The following NDUFA10 variants were observed in gnomAD, a reference collection of about 807,000 sequenced individuals.
The protein encoded by NDUFA10 is NADH dehydrogenase [ubiquinone] 1 alpha subcomplex subunit 10, mitochondrial.
A neutral mutation model predicts 47.8 loss-of-function variants in NDUFA10; 40 were observed. The observed-to-expected ratio is 0.84, with a 90% confidence interval of 0.65 to 1.09. NDUFA10 has a LOEUF of 1.09. Among genes scored for constraint, NDUFA10 ranks in the 50% least tolerant of loss-of-function variants. The pLI is 0.00. For synonymous variants in NDUFA10, 183 were observed against 172.2 expected (o/e 1.06, Z -0.49); for missense variants, 413 against 451.1 (o/e 0.92, Z 0.76).
rs78003400 is a variant in NDUFA10 at position 239,997,062 on chromosome 2, G to T, written c.891-6880C>A. Among the ~76,000 whole-genome samples the T allele has an allele frequency of 3.3e-5, 5 of 151,784 alleles. No homozygotes were observed. In the East Asian group the frequency reaches 9.6e-4, roughly 29 times the overall value. On this transcript the variant is annotated intron_variant, in intron 8 of 9. Transcript: ENST00000252711. Reference sequence around the variant, plus strand: ...ACATTTTTATTATTTTTTTATTGCTGTGTTATTTTTATTGGCTTTTTTCCC... The same window carrying T: ...ACATTTTTATTATTTTTTTATTGCTTTGTTATTTTTATTGGCTTTTTTCCC...
chr2:239,898,810 C>T (rs554758418), intron 4 of NDUFA10, among the ~76,000 whole-genome samples: 1 of 152,250 alleles, frequency 6.6e-6, no homozygotes, highest in Non-Finnish European at 1.5e-5. Flanking sequence ...AGAAGAATAA[C>T]TGTCATCATA....
At chr2:240,023,336 A>C (rs1697717862) in intron 1 of NDUFA10, among the ~76,000 whole-genome samples, 1 of 152,244 alleles carries the variant, frequency 6.6e-6, no homozygotes, top group South Asian at 2.1e-4. Flanking sequence ...AAAAGTGGTC[A>C]ACCTTGCTAC....
In NDUFA10 at chr2:240,025,258, G is replaced by A; in HGVS notation, c.44C>T (p.Ala15Val). 6.7e-7 allele frequency: 1 copy of A among 1,495,964 alleles called. No homozygotes were observed. Among genetic ancestry groups the A allele is most frequent in the South Asian group, 1.3e-5 (1 of 79,640 alleles). The allele number at this position is 1,495,964 out of a possible 1,614,324, so 92.7% of individuals were successfully genotyped here. ...CTGGGCGCCCGCCGCCACGACCCGG[G>A]CGGACGCGGACGTCGCTGCCAGCTT... is the stretch of plus-strand genomic sequence containing the variant. ...LLKLAATSAS[A>V]RVVAAGAQRV... Residue 15 changes from alanine to valine, a missense_variant, in exon 1 of 10, where the codon GCC becomes GTC. Coordinates refer to ENST00000252711, the MANE Select transcript of NDUFA10 (RefSeq NM_004544.4).
In NDUFA10 at chr2:240,005,213, A is replaced by T. The variant is rs992867094; in HGVS notation, c.887T>A (p.Leu296Ter). ...QDNRTLYHLR[L>*]LVQDKFEVLN... ...GCCCCCACACAGATGCACTTACAGT[A>T]ATCGCAGGTGGTATAAAGTGCGATT... Residue 296 changes from leucine (L) to a stop codon, truncating the protein, a stop_gained, in exon 8 of 10, where the codon TTA (leucine) becomes TAA (stop). Transcript: ENST00000252711. LOFTEE classifies it high-confidence loss of function. The T allele has an allele frequency of 6.2e-7, 1 of 1,613,306 alleles. No individual in the cohort carries two copies. Among genetic ancestry groups the T allele is most frequent in the African/African-American group, 1.3e-5 (1 of 74,880 alleles).
At chr2:239,910,567 G>A (rs1265395497) in intron 4 of NDUFA10, among the ~76,000 whole-genome samples, 4 of 152,058 alleles carry the variant, frequency 2.6e-5, no homozygotes, top group African/African-American at 7.2e-5. Flanking sequence ...CTGCTGGGGG[G>A]TGTTGAGGAA....
chr2:240,025,124 T>C, intron 1 of NDUFA10, 103 bp downstream of exon 1: 24 of 1,193,224 alleles, frequency 2.0e-5, no homozygotes, highest in Non-Finnish European at 2.6e-5. Flanking sequence ...GAGAGCGACC[T>C]GGGAGCCGCC....
At chr2:239,971,351 G>C (rs1480313985) in intron 9 of NDUFA10, among the ~76,000 whole-genome samples, 1 of 152,194 alleles carries the variant, frequency 6.6e-6, no homozygotes, top group African/African-American at 2.4e-5. Flanking sequence ...CCAAGGCCAT[G>C]GCTTTTCTCT....
chr2:239,906,316 T>C lies in NDUFA10; in HGVS notation c.295-11002A>G, dbSNP rs1693655172. 6.6e-6 allele frequency among the ~76,000 whole-genome samples: 1 copy of C among 152,202 alleles called. No individual in the cohort carries two copies. The highest frequency in any genetic ancestry group is 2.4e-5 in the African/African-American group (1 of 41,436). ...GCGGCTTCAGTTGTGCCTTGCTGAC[T>C]GTCTAGGCACTGACCACGCCCTGTT... On this transcript the variant is annotated intron_variant, in intron 4 of 5. Coordinates refer to the NDUFA10 transcript ENST00000419408. The surrounding 1 kb of genome is among the most constrained non-coding windows in gnomAD (Gnocchi z 4.3).
At chr2:239,930,154 C>T (rs574767793) in intron 4 of NDUFA10, among the ~76,000 whole-genome samples, 131 of 146,994 alleles carry the variant, frequency 8.9e-4, no homozygotes, top group African/African-American at 3.0e-3. Context: ...CCTGCTCCTC[C>T]GCTGCCCCTG....
chr2:239,988,909 ACACT>A (rs1211916581), intron 9 of NDUFA10, among the ~76,000 whole-genome samples: 13 of 151,536 alleles, frequency 8.6e-5, no homozygotes, highest in South Asian at 2.1e-4. Context: ...CACAGCACAC[ACACT>A]CACACACGTG....
At chr2:239,951,694 A>C (rs1324383557) in intron 4 of NDUFA10, among the ~76,000 whole-genome samples, 1 of 152,202 alleles carries the variant, frequency 6.6e-6, no homozygotes, top group African/African-American at 2.4e-5. Flanking sequence ...CAAGTAAAAG[A>C]AAATGTATAT....
chr2:240,004,390 A>AT (rs1696854659), intron 8 of NDUFA10, among the ~76,000 whole-genome samples: 1 of 152,112 alleles, frequency 6.6e-6, no homozygotes. Context: ...ACAATAGCTG[A>AT]ATGGATATAA....
chr2:239,932,112 G>A (rs1461699535), intron 4 of NDUFA10, among the ~76,000 whole-genome samples: 1 of 151,852 alleles, frequency 6.6e-6, no homozygotes, highest in Non-Finnish European at 1.5e-5. Context: ...GGGATTACAG[G>A]CGTGAGCCAC....
At chr2:239,942,411 G>A (rs990962754) in intron 4 of NDUFA10, among the ~76,000 whole-genome samples, 5 of 152,232 alleles carry the variant, frequency 3.3e-5, no homozygotes, top group Admixed American at 6.5e-5. Flanking sequence ...CTTGGAGAAC[G>A]ATGGATTTCT....
intron 1 of NDUFA10, among the ~76,000 whole-genome samples, chr2:240,024,082 T>G (rs375154361): frequency 2.6e-5 from 4 of 152,240 alleles, no homozygotes; most frequent in Non-Finnish European, 5.9e-5. Flanking sequence ...GGCAGCTTCT[T>G]AGAAAACTAG....
At chr2:239,948,072 G>T (rs545355373) in intron 4 of NDUFA10, among the ~76,000 whole-genome samples, 3 of 152,144 alleles carry the variant, frequency 2.0e-5, no homozygotes, top group African/African-American at 7.2e-5. Flanking sequence ...AAGCTCTGTC[G>T]TCACTACAGC....
chr2:239,933,624 A>G (rs924321798), intron 4 of NDUFA10, among the ~76,000 whole-genome samples: 2 of 150,378 alleles, frequency 1.3e-5, no homozygotes, highest in Non-Finnish European at 3.0e-5. Flanking sequence ...CACTTGCAGG[A>G]AGTCCCTGCA....
intron 4 of NDUFA10, among the ~76,000 whole-genome samples, chr2:239,922,139 C>A (rs1694000828): frequency 6.6e-6 from 1 of 151,124 alleles, no homozygotes; most frequent in African/African-American, 2.4e-5. Context: ...CAATTATAAG[C>A]AGTTGCCCCT....
At chr2:239,973,552 C>T (rs1213820739) in intron 9 of NDUFA10, 3 of 469,008 alleles carry the variant, frequency 6.4e-6, no homozygotes, top group South Asian at 3.1e-5. Context: ...ATCTTGGACA[C>T]GATCAGCTTC....
Sources: gnomAD v4.1 joint callset for allele counts (sites outside exome capture counted in the v4.1 genomes callset) on GRCh38, gnomAD v4.1.1 for gene constraint, Gnocchi (gnomAD v3.1) non-coding constraint, MANE v1.5 for transcripts, NCBI Gene and HGNC (gene_info 2026-07-23, HGNC 2026-07-21) for gene names.